PCDH15: variants seen among roughly 807,000 people sequenced by gnomAD.
PCDH15 encodes protocadherin-15.
PCDH15 carries 129 observed loss-of-function variants against 178.5 expected under a neutral mutation model. The ratio of observed to expected loss-of-function variants is 0.72; its 90% CI spans 0.63 to 0.84. PCDH15 has a LOEUF of 0.84. Ranked by LOEUF, PCDH15 falls within the 40% of genes least tolerant of loss-of-function variation. PCDH15 has a pLI of 0.00. For missense variants in PCDH15, 2,230 were observed against 2,099.9 expected (o/e 1.06, Z -1.21); for synonymous variants, 800 against 732.0 (o/e 1.09, Z -1.50).
chr10:55,361,022 C>T (rs1444920194), intron 2 of PCDH15, among the ~76,000 whole-genome samples: 1 of 151,912 alleles, frequency 6.6e-6, no homozygotes, highest in Non-Finnish European at 1.5e-5. Flanking sequence ...ACTGCATTTT[C>T]TGAATGGACC....
At chr10:54,255,741 A>G (rs2056847838) in intron 8 of PCDH15, among the ~76,000 whole-genome samples, 1 of 152,126 alleles carries the variant, frequency 6.6e-6, no homozygotes, top group Non-Finnish European at 1.5e-5. Context: ...TATTAATGAT[A>G]GCCTGAAAGC....
At chr10:55,389,674 A>G (rs541882328) in intron 2 of PCDH15, among the ~76,000 whole-genome samples, 2 of 152,178 alleles carry the variant, frequency 1.3e-5, no homozygotes, top group African/African-American at 4.8e-5. Flanking sequence ...TCTTATCTTC[A>G]TAAGAGAAAT....
At chr10:54,921,023 C>G (rs1388784604) in intron 2 of PCDH15, among the ~76,000 whole-genome samples, 1 of 152,182 alleles carries the variant, frequency 6.6e-6, no homozygotes, top group Non-Finnish European at 1.5e-5. Flanking sequence ...GGCATTTCCT[C>G]TTCTGTTATG....
chr10:54,812,699 C>A (rs61515965), intron 3 of PCDH15, among the ~76,000 whole-genome samples: 3 of 151,910 alleles, frequency 2.0e-5, no homozygotes, highest in African/African-American at 4.8e-5. Context: ...CCTCATGATC[C>A]GCCTGCCTCG....
chr10:55,221,083 C>T (rs1840861345), intron 1 of PCDH15, among the ~76,000 whole-genome samples: 1 of 152,032 alleles, frequency 6.6e-6, no homozygotes, highest in Non-Finnish European at 1.5e-5. Context: ...AATCAAGTCC[C>T]TAATACTCAT....
chr10:55,476,452 G>C (rs1565178204), intron 2 of PCDH15, among the ~76,000 whole-genome samples: 1 of 151,856 alleles, frequency 6.6e-6, no homozygotes, highest in Non-Finnish European at 1.5e-5. Flanking sequence ...TTTTTAAATT[G>C]ACAATGATTG....
intron 1 of PCDH15, among the ~76,000 whole-genome samples, chr10:54,702,555 A>AAAC (rs931678508): frequency 6.6e-6 from 1 of 151,440 alleles, no homozygotes; most frequent in South Asian, 2.1e-4. Flanking sequence ...AAAAAAAAAA[A>AAAC]AAACCTTCAA....
At chr10:55,523,816 T>C (rs753279508) in intron 2 of PCDH15, among the ~76,000 whole-genome samples, 104 of 151,748 alleles carry the variant, frequency 6.9e-4, no homozygotes, top group Non-Finnish European at 1.2e-3. Context: ...TCTATTGTAG[T>C]AACACATGCT....
At chr10:54,746,558 G>T (rs372884642) in intron 1 of PCDH15, among the ~76,000 whole-genome samples, 24 of 152,182 alleles carry the variant, frequency 1.6e-4, no homozygotes, top group East Asian at 9.6e-4. Flanking sequence ...TTTTATGTCT[G>T]TATCAAAATA....
At chr10:54,941,901 G>A (rs1262236725) in intron 2 of PCDH15, among the ~76,000 whole-genome samples, 1 of 151,974 alleles carries the variant, frequency 6.6e-6, no homozygotes, top group Non-Finnish European at 1.5e-5. Context: ...TGCAGTAACT[G>A]CTTTAGTCAG....
At chr10:55,312,872 C>T (rs1023044109) in intron 1 of PCDH15, among the ~76,000 whole-genome samples, 7 of 152,278 alleles carry the variant, frequency 4.6e-5, no homozygotes, top group African/African-American at 1.7e-4. Context: ...CCGCCTCGGC[C>T]TCCCAAAGTG....
At position 55,436,184 on chromosome 10, in the gene PCDH15, C is replaced by CT. The variant is rs566160393; in HGVS notation, c.-156+191440dup. On this transcript the variant is annotated intron_variant, in intron 2 of 5. Transcript: ENST00000613346. Reference sequence around the variant, plus strand: ...TGATATTACTGTTGTAAAGGGAGGACTGAGCCTTGCAAATCAAACATAAAT... The same window carrying CT: ...TGATATTACTGTTGTAAAGGGAGGACTTGAGCCTTGCAAATCAAACATAAAT... 1.5e-3 allele frequency among the ~76,000 whole-genome samples: 228 copies of CT among 152,146 alleles called. 2 individuals are homozygous for CT. The highest frequency in any genetic ancestry group is 5.3e-3 in the African/African-American group (219 of 41,544).
chr10:54,743,552 T>C (rs1231530248), intron 1 of PCDH15, among the ~76,000 whole-genome samples: 1 of 151,984 alleles, frequency 6.6e-6, no homozygotes, highest in African/African-American at 2.4e-5. Flanking sequence ...TCTTAATACT[T>C]TATTAAGCTT....
chr10:55,090,941 A>G (rs1490958427), intron 2 of PCDH15, among the ~76,000 whole-genome samples: 1 of 152,010 alleles, frequency 6.6e-6, no homozygotes, highest in African/African-American at 2.4e-5. Context: ...ACTTCTTTAT[A>G]GTAGAATATC....
At chr10:54,836,975 A>G (rs745534903) in intron 3 of PCDH15, among the ~76,000 whole-genome samples, 1 of 152,142 alleles carries the variant, frequency 6.6e-6, no homozygotes, top group Non-Finnish European at 1.5e-5. Flanking sequence ...AAATACTTCA[A>G]GAACAATTTT....
intron 2 of PCDH15, among the ~76,000 whole-genome samples, chr10:54,898,901 G>A (rs907258677): frequency 1.3e-5 from 2 of 152,106 alleles, no homozygotes; most frequent in African/African-American, 4.8e-5. Flanking sequence ...TACTACAAAA[G>A]CGAAATCATA....
intron 1 of PCDH15, among the ~76,000 whole-genome samples, chr10:55,214,557 T>A (rs1840652505): frequency 1.9e-5 from 2 of 107,528 alleles, no homozygotes; most frequent in Non-Finnish European, 3.9e-5. Flanking sequence ...GTATTTATTC[T>A]TTTTTTTTTG....
In PCDH15 at chr10:53,821,971, A is replaced by T. The variant is rs376353049; in HGVS notation, c.4368-1741T>A. On this transcript the variant is annotated intron_variant, in intron 32 of 37. Transcript: ENST00000644397. ...TCCATATTTGTTACTTCTGAAGGGC[A>T]CATAGTTTGAAGTTCTGAAACATTT... The T allele has an allele frequency of 2.6e-5, 42 of 1,613,830 alleles. No individual in the cohort carries two copies. The highest frequency in any genetic ancestry group is 3.4e-5 in the Non-Finnish European group (40 of 1,179,888).
At chr10:54,170,855 T>G (rs955888411) in intron 13 of PCDH15, among the ~76,000 whole-genome samples, 1,811 of 151,968 alleles carry the variant, frequency 0.012, 16 homozygotes, top group African/African-American at 0.024. Context: ...CGTGGAAATC[T>G]ATCCTCAAGG....
Sources: gnomAD v4.1 joint callset for allele counts (sites outside exome capture counted in the v4.1 genomes callset) on GRCh38, gnomAD v4.1.1 for gene constraint, MANE v1.5 for transcripts, NCBI Gene and HGNC (gene_info 2026-07-23, HGNC 2026-07-21) for gene names.